LRFN5: variants seen among roughly 807,000 people sequenced by gnomAD.
LRFN5 encodes the protein leucine-rich repeat and fibronectin type-III domain-containing protein 5.
LRFN5 carries 24 observed loss-of-function variants against 45.6 expected under a neutral mutation model. That is an observed-to-expected ratio of 0.53 (90% CI 0.38 to 0.74). LRFN5 has a LOEUF of 0.74. Among genes scored for constraint, LRFN5 ranks in the 30% least tolerant of loss-of-function variants. LRFN5 has a pLI of 0.00. For missense variants in LRFN5, 776 were observed against 861.5 expected, an observed-to-expected ratio of 0.90 and a Z score of 1.24; for synonymous variants, 340 against 313.8, an observed-to-expected ratio of 1.08 and a Z score of -0.88.
At chr14:41,687,217 C>T (rs1247687877) in intron 1 of LRFN5, among the ~76,000 whole-genome samples, 1 of 152,070 alleles carries the variant, frequency 6.6e-6, no homozygotes, top group African/African-American at 2.4e-5. Context: ...ATTTATGCAG[C>T]CAACAACCAC....
chr14:41,673,938 GCGGGGGGC>G, intron 1 of LRFN5, among the ~76,000 whole-genome samples: 1 of 145,934 alleles, frequency 6.9e-6, no homozygotes, highest in Non-Finnish European at 1.5e-5. Context: ...GGCTGGCTGG[GCGGGGGGC>G]TGACACCCCC....
chr14:41,634,637 G>C (rs551176798), intron 1 of LRFN5, among the ~76,000 whole-genome samples: 1 of 152,204 alleles, frequency 6.6e-6, no homozygotes, highest in East Asian at 1.9e-4. Flanking sequence ...TTCAGGGCTT[G>C]GTTAACTATA....
At chr14:41,896,045 G>A (rs1221106974) in intron 4 of LRFN5, among the ~76,000 whole-genome samples, 1 of 151,862 alleles carries the variant, frequency 6.6e-6, no homozygotes, top group Non-Finnish European at 1.5e-5. Context: ...TTTTTGAAAA[G>A]AAAATATATC....
chr14:41,819,006 T>A (rs1213316063), intron 2 of LRFN5, among the ~76,000 whole-genome samples: 1 of 152,208 alleles, frequency 6.6e-6, no homozygotes, highest in Non-Finnish European at 1.5e-5. Flanking sequence ...GGCTGTGTTT[T>A]TGAGTTATTT....
At chr14:41,671,617 G>GTGTTTTTTTT (rs1881224583) in intron 1 of LRFN5, among the ~76,000 whole-genome samples, 1 of 78,020 alleles carries the variant, frequency 1.3e-5, no homozygotes, top group African/African-American at 5.4e-5. Flanking sequence ...TTTTTTTTTC[G>GTGTTTTTTTT]TTTTTTTTTT....
At chr14:41,826,446 T>G (rs550001517) in intron 2 of LRFN5, among the ~76,000 whole-genome samples, 124 of 152,308 alleles carry the variant, frequency 8.1e-4, no homozygotes, top group African/African-American at 2.9e-3. Flanking sequence ...TAATACTCTG[T>G]CTTCATTCTT....
At chr14:41,744,919 GA>G (rs1244868947) in intron 1 of LRFN5, among the ~76,000 whole-genome samples, 3 of 151,926 alleles carry the variant, frequency 2.0e-5, no homozygotes, top group Non-Finnish European at 4.4e-5. Context: ...AATTGAAGGG[GA>G]AAATATCTCT....
At chr14:41,756,892 C>T (rs1885413398) in intron 1 of LRFN5, among the ~76,000 whole-genome samples, 1 of 152,136 alleles carries the variant, frequency 6.6e-6, no homozygotes, top group Non-Finnish European at 1.5e-5. Context: ...GTGGTTTTAT[C>T]TACCTTTGGT....
chr14:41,901,793 T>G (rs1252609036), intron 5 of LRFN5, among the ~76,000 whole-genome samples: 1 of 152,054 alleles, frequency 6.6e-6, no homozygotes, highest in Non-Finnish European at 1.5e-5. Context: ...CCAATTTGTT[T>G]CCAGGTGAGT....
intron 2 of LRFN5, among the ~76,000 whole-genome samples, chr14:41,830,677 T>C (rs540584906): frequency 3.3e-4 from 50 of 152,220 alleles, no homozygotes; most frequent in African/African-American, 1.2e-3. Flanking sequence ...CTCAGGTAGA[T>C]AAACCTGAGC....
At chr14:41,762,697 A>G (rs1859824141) in intron 1 of LRFN5, among the ~76,000 whole-genome samples, 1 of 152,076 alleles carries the variant, frequency 6.6e-6, no homozygotes, top group African/African-American at 2.4e-5. Flanking sequence ...TTATAACCTC[A>G]GTTTTGGAGT....
chr14:41,783,695 T>G (rs775164428), intron 2 of LRFN5, among the ~76,000 whole-genome samples: 5 of 148,806 alleles, frequency 3.4e-5, no homozygotes, highest in African/African-American at 5.0e-5. Context: ...TGCCCATGCC[T>G]TAAAAAAAGG....
Position 41,891,761 on chromosome 14 carries a change from T to G in LRFN5, c.1897T>G (p.Trp633Gly), listed in dbSNP as rs376533514. 8 of 1,614,036 alleles carry G rather than the reference T, an allele frequency of 5.0e-6. No individual in the cohort carries two copies. Among genetic ancestry groups the G allele is most frequent in the Non-Finnish European group, 6.8e-6 (8 of 1,180,032 alleles). Residue 633 changes from tryptophan (W) to glycine (G), a missense_variant, in exon 4 of 6, where the codon TGG (tryptophan) becomes GGG (glycine). Transcript: ENST00000298119. Reference sequence around the variant, plus strand: ...CACTACCTCTGCTTTGCCTCCTTCCTGGACTTCAAGCACTTCTGTGTCCCA... The same window carrying G: ...CACTACCTCTGCTTTGCCTCCTTCCGGGACTTCAAGCACTTCTGTGTCCCA... ...STTTSALPPS[W>G]TSSTSVSQKQ...
At chr14:41,820,585 G>T (rs1888080774) in intron 2 of LRFN5, among the ~76,000 whole-genome samples, 1 of 151,916 alleles carries the variant, frequency 6.6e-6, no homozygotes, top group Admixed American at 6.6e-5. Context: ...AATTGCTTTG[G>T]CTATTTAGGC....
At chr14:41,819,124 A>G (rs761156605) in intron 2 of LRFN5, among the ~76,000 whole-genome samples, 1 of 152,178 alleles carries the variant, frequency 6.6e-6, no homozygotes, top group Non-Finnish European at 1.5e-5. Flanking sequence ...TCACATTTTA[A>G]TCGAATTATC....
intron 1 of LRFN5, among the ~76,000 whole-genome samples, chr14:41,704,402 A>C (rs1882963162): frequency 8.4e-6 from 1 of 119,326 alleles, no homozygotes; most frequent in Non-Finnish European, 1.6e-5. Flanking sequence ...ACTTATTGTT[A>C]TACTTTTCTC....
At chr14:41,701,131 C>T (rs199529200) in intron 1 of LRFN5, 1 of 151,998 alleles carries the variant, frequency 6.6e-6, no homozygotes, top group Admixed American at 6.6e-5. Context: ...AATAAACACA[C>T]CTTTTTAAAA....
intron 1 of LRFN5, among the ~76,000 whole-genome samples, chr14:41,719,372 AATG>A (rs554178075): frequency 1.3e-5 from 2 of 152,170 alleles, no homozygotes; most frequent in African/African-American, 4.8e-5. Flanking sequence ...TAAATATAAA[AATG>A]ATGACTACTG....
At chr14:41,883,343 AAC>A (rs1382437076) in intron 2 of LRFN5, among the ~76,000 whole-genome samples, 6 of 108,030 alleles carry the variant, frequency 5.6e-5, no homozygotes, top group African/African-American at 2.1e-4. Context: ...ACTATTTATA[AAC>A]ACATTAAAAT....
Sources: allele counts gnomAD v4.1 joint callset (sites outside exome capture counted in the v4.1 genomes callset), GRCh38; gene constraint gnomAD v4.1.1; transcripts MANE v1.5; gene names NCBI Gene and HGNC (gene_info 2026-07-23, HGNC 2026-07-21).